Variants in GSK3B observed in about 807,000 individuals in gnomAD.
GSK3B encodes the protein glycogen synthase kinase-3 beta.
In GSK3B, 15 loss-of-function variants were observed where a neutral mutation model predicts 56.4. The observed-to-expected ratio is 0.27, with a 90% confidence interval of 0.18 to 0.41. GSK3B has a LOEUF of 0.41. GSK3B is among the 10% of genes least tolerant of loss of function. The probability of loss-of-function intolerance (pLI) is 1.00; values close to 1 mark genes in which losing one functional copy is unlikely to be tolerated. For synonymous variants in GSK3B, 181 were observed against 188.9 expected (o/e 0.96, Z 0.34); for missense variants, 300 against 513.4 (o/e 0.58, Z 4.02).
chr3:120,087,402 G>A (rs972654136), intron 1 of GSK3B, among the ~76,000 whole-genome samples: 9 of 152,010 alleles, frequency 5.9e-5, no homozygotes, highest in African/African-American at 2.2e-4. Context: ...TGTGGTGGCA[G>A]GCACCTGTAA....
At chr3:120,086,713 C>T (rs554697350) in intron 1 of GSK3B, among the ~76,000 whole-genome samples, 6 of 151,936 alleles carry the variant, frequency 3.9e-5, no homozygotes, top group Middle Eastern at 3.4e-3. Flanking sequence ...AAAGATCACC[C>T]GAGCCCAGGA....
Position 120,094,131 on chromosome 3 carries a change from C to A in GSK3B, c.-697G>T. On this transcript the variant is annotated 5_prime_UTR_variant, in exon 1 of 11. Coordinates refer to ENST00000264235, the MANE Select transcript of GSK3B (RefSeq NM_001146156.2). ...CCAGCGGCCATGGCGGTGGCGGAGGCAGCTCCCTTCAGACCCCAGGCAGCG... is the reference window on the plus strand; with the variant it reads ...CCAGCGGCCATGGCGGTGGCGGAGGAAGCTCCCTTCAGACCCCAGGCAGCG... 4.3e-6 allele frequency: 1 copy of A among 230,872 alleles called. No individual in the cohort carries two copies. The highest frequency in any genetic ancestry group is 2.2e-5 in the African/African-American group (1 of 44,828). The allele number at this position is 230,872 out of a possible 1,614,324, so 14.3% of individuals were successfully genotyped here.
intron 1 of GSK3B, among the ~76,000 whole-genome samples, chr3:120,086,630 A>G (rs538385015): frequency 2.4e-4 from 37 of 152,210 alleles, no homozygotes; most frequent in African/African-American, 8.9e-4. Context: ...CCCCCTCTCT[A>G]TAAAAACTAC....
intron 7 of GSK3B, among the ~76,000 whole-genome samples, chr3:119,889,710 C>T (rs1281588057): frequency 6.6e-6 from 1 of 152,130 alleles, no homozygotes; most frequent in Non-Finnish European, 1.5e-5. Context: ...GTGATAATTA[C>T]ACTGAATGTA....
At chr3:120,080,928 A>G (rs2058413886) in intron 1 of GSK3B, among the ~76,000 whole-genome samples, 1 of 152,154 alleles carries the variant, frequency 6.6e-6, no homozygotes, top group African/African-American at 2.4e-5. Flanking sequence ...ATATTTAAAT[A>G]CTGTCTGTTT....
rs529889082 is a variant in GSK3B at position 119,905,592 on chromosome 3, T to TG, written c.813+162dup. Among the ~76,000 whole-genome samples the TG allele has an allele frequency of 7.9e-5, 12 of 152,120 alleles. No individual in the cohort carries two copies. The East Asian group carries it at 1.3e-3, about 17-fold the overall frequency. On this transcript the variant is annotated intron_variant, in intron 7 of 10. Coordinates refer to ENST00000264235, the MANE Select transcript of GSK3B (RefSeq NM_001146156.2). ...GTAACTCAAATAAAAACCAAAAGGC[T>TG]GGGGGGGCGTTCTTATACCCACTTT...
At chr3:120,085,617 T>C (rs1385260217) in intron 1 of GSK3B, among the ~76,000 whole-genome samples, 1 of 152,200 alleles carries the variant, frequency 6.6e-6, no homozygotes, top group Non-Finnish European at 1.5e-5. Context: ...CTGGCCAACA[T>C]GGTGAAACCC....
intron 1 of GSK3B, among the ~76,000 whole-genome samples, chr3:120,010,714 G>A (rs901335098): frequency 2.0e-5 from 3 of 152,062 alleles, no homozygotes; most frequent in South Asian, 2.1e-4. Context: ...CCAAGACTGC[G>A]CCACTGCATT....
At chr3:119,901,601 G>C (rs956905728) in intron 7 of GSK3B, among the ~76,000 whole-genome samples, 1 of 152,092 alleles carries the variant, frequency 6.6e-6, no homozygotes, top group East Asian at 1.9e-4. Context: ...TAAATTACTG[G>C]CATGGACATC....
At chr3:120,011,649 A>G (rs985893587) in intron 1 of GSK3B, among the ~76,000 whole-genome samples, 14 of 152,246 alleles carry the variant, frequency 9.2e-5, no homozygotes, top group African/African-American at 3.4e-4. Context: ...GATAAATAGC[A>G]GAGCTGAAAA....
chr3:120,043,019 A>G (rs1007508109), intron 1 of GSK3B, among the ~76,000 whole-genome samples: 1 of 152,220 alleles, frequency 6.6e-6, no homozygotes, highest in African/African-American at 2.4e-5. Context: ...CAAGAATTAT[A>G]TACTTGGTCT....
At chr3:119,942,164 TTAAAG>T (rs754265618) in intron 3 of GSK3B, among the ~76,000 whole-genome samples, 8 of 152,194 alleles carry the variant, frequency 5.3e-5, no homozygotes, top group African/African-American at 7.2e-5. Flanking sequence ...CGCTTTATTA[TTAAAG>T]TAATCTATGA....
At chr3:119,902,923 T>A (rs1274451908) in intron 7 of GSK3B, among the ~76,000 whole-genome samples, 1 of 150,598 alleles carries the variant, frequency 6.6e-6, no homozygotes. Context: ...CCATGTTCCC[T>A]AGGCTAGTCT....
intron 1 of GSK3B, among the ~76,000 whole-genome samples, chr3:120,006,176 A>T (rs1299190889): frequency 6.6e-6 from 1 of 152,230 alleles, no homozygotes; most frequent in African/African-American, 2.4e-5. Flanking sequence ...GAGGGCCATT[A>T]CATAATGGTA....
intron 3 of GSK3B, among the ~76,000 whole-genome samples, chr3:119,943,629 G>A (rs1002552884): frequency 6.6e-6 from 1 of 152,088 alleles, no homozygotes; most frequent in African/African-American, 2.4e-5. Flanking sequence ...ATTTAAGACA[G>A]ATGAGAACCC....
intron 2 of GSK3B, among the ~76,000 whole-genome samples, chr3:119,996,901 CA>C (rs752026180): frequency 3.1e-4 from 47 of 151,382 alleles, no homozygotes; most frequent in Admixed American, 2.0e-3. Flanking sequence ...AAAATACCTC[CA>C]AAAAAAATCA....
chr3:119,883,354 T>C (rs1576172475), intron 7 of GSK3B, among the ~76,000 whole-genome samples: 1 of 152,222 alleles, frequency 6.6e-6, no homozygotes, highest in Non-Finnish European at 1.5e-5. Flanking sequence ...TGACTTCTAA[T>C]GATAAACCAA....
At chr3:119,923,228 G>C (rs1270481279) in intron 4 of GSK3B, 145 bp downstream of exon 4, 2 of 483,670 alleles carry the variant, frequency 4.1e-6, no homozygotes, top group Non-Finnish European at 7.3e-6. Context: ...ACTGTAAAAG[G>C]ATTTAACAAA....
intron 7 of GSK3B, among the ~76,000 whole-genome samples, chr3:119,879,355 T>A (rs1422293070): frequency 6.6e-6 from 1 of 151,964 alleles, no homozygotes; most frequent in African/African-American, 2.4e-5. Flanking sequence ...TAATTTTTTC[T>A]ATTTTTTAGT....
Sources: allele counts gnomAD v4.1 joint callset (sites outside exome capture counted in the v4.1 genomes callset), GRCh38; gene constraint gnomAD v4.1.1; transcripts MANE v1.5; gene names NCBI Gene and HGNC (gene_info 2026-07-23, HGNC 2026-07-21).